RBFOX3: variants seen among roughly 807,000 people sequenced by gnomAD.
The protein encoded by RBFOX3 is RNA binding protein fox-1 homolog 3.
RBFOX3 carries 17 observed loss-of-function variants against 48.7 expected under a neutral mutation model. That is an observed-to-expected ratio of 0.35 (90% CI 0.24 to 0.52). RBFOX3 has a LOEUF of 0.52. Ranked by LOEUF, RBFOX3 falls within the 20% of genes least tolerant of loss-of-function variation. The pLI is 0.94. For missense variants in RBFOX3, 382 were observed against 497.5 expected (o/e 0.77, Z 2.21); for synonymous variants, 212 against 209.5 (o/e 1.01, Z -0.10).
chr17:79,393,801 A>C (rs2061650210), intron 2 of RBFOX3, among the ~76,000 whole-genome samples: 1 of 151,408 alleles, frequency 6.6e-6, no homozygotes, highest in South Asian at 2.1e-4. Flanking sequence ...CATCATGCAC[A>C]TCATCTGAGC....
In RBFOX3 at chr17:79,568,161, A is replaced by C. The variant is rs927000969; in HGVS notation, c.-320+42665T>G. Among the ~76,000 whole-genome samples the C allele has an allele frequency of 3.5e-3, 539 of 152,120 alleles. 5 individuals carry two copies. Among genetic ancestry groups the C allele is most frequent in the African/African-American group, 0.012 (507 of 41,496 alleles). ...CAGCCCCCAAGCTGGGGTGACACACATCTAGAGTACAAAGACTTTATCTGG... is the reference window on the plus strand; with the variant it reads ...CAGCCCCCAAGCTGGGGTGACACACCTCTAGAGTACAAAGACTTTATCTGG... On this transcript the variant is annotated intron_variant, in intron 1 of 14. Transcript: ENST00000693108.
At chr17:79,354,578 G>T (rs2084601578) in intron 2 of RBFOX3, among the ~76,000 whole-genome samples, 1 of 152,264 alleles carries the variant, frequency 6.6e-6, no homozygotes, top group South Asian at 2.1e-4. Context: ...TTCCACCACG[G>T]GGAGAAACCA....
At chr17:79,416,666 C>T (rs925494442) in intron 2 of RBFOX3, among the ~76,000 whole-genome samples, 8 of 152,328 alleles carry the variant, frequency 5.3e-5, no homozygotes, top group Admixed American at 2.0e-4. Context: ...GGCCCTCCCC[C>T]GCACCCACCC....
At chr17:79,295,328 C>T (rs2050581836) in intron 3 of RBFOX3, among the ~76,000 whole-genome samples, 2 of 152,224 alleles carry the variant, frequency 1.3e-5, no homozygotes. Flanking sequence ...GGATGAGACA[C>T]AGCTGCCAGG....
At chr17:79,530,758 G>C (rs1332798840) in intron 1 of RBFOX3, among the ~76,000 whole-genome samples, 3 of 152,220 alleles carry the variant, frequency 2.0e-5, no homozygotes, top group Non-Finnish European at 4.4e-5. Context: ...GTGATGTTCT[G>C]GGGAGGTGCC....
chr17:79,164,503 G>C (rs1369185389), intron 4 of RBFOX3, among the ~76,000 whole-genome samples: 2 of 152,212 alleles, frequency 1.3e-5, no homozygotes, highest in Non-Finnish European at 2.9e-5. Flanking sequence ...TCAGTCTTGG[G>C]GGGAGGTGTT....
At chr17:79,145,577 C>G (rs1308051994) in intron 4 of RBFOX3, among the ~76,000 whole-genome samples, 1 of 152,230 alleles carries the variant, frequency 6.6e-6, no homozygotes, top group Non-Finnish European at 1.5e-5. Context: ...CCCCGCCCCA[C>G]CGCCCTGGCC....
At chr17:79,373,678 C>T (rs763116342) in intron 2 of RBFOX3, among the ~76,000 whole-genome samples, 8 of 151,962 alleles carry the variant, frequency 5.3e-5, no homozygotes, top group African/African-American at 1.7e-4. Flanking sequence ...GAGTTCCACA[C>T]GGCTGCTTTC....
At chr17:79,181,269 C>T (rs1246959501) in intron 4 of RBFOX3, among the ~76,000 whole-genome samples, 3 of 152,218 alleles carry the variant, frequency 2.0e-5, no homozygotes, top group Admixed American at 6.5e-5. Flanking sequence ...CTGCAGAAAC[C>T]CAGAGCTACG....
intron 2 of RBFOX3, among the ~76,000 whole-genome samples, chr17:79,344,238 T>C (rs1457310438): frequency 6.6e-6 from 1 of 152,122 alleles, no homozygotes; most frequent in Non-Finnish European, 1.5e-5. Flanking sequence ...AAGTAAAAAA[T>C]GCAAATATAT....
intron 1 of RBFOX3, among the ~76,000 whole-genome samples, chr17:79,498,575 C>T (rs1232846707): frequency 2.2e-5 from 3 of 138,840 alleles, no homozygotes; most frequent in African/African-American, 8.1e-5. Flanking sequence ...CTATCCTTCC[C>T]CCCACCCCAT....
chr17:79,549,427 A>G (rs535290342), intron 1 of RBFOX3, among the ~76,000 whole-genome samples: 1 of 152,390 alleles, frequency 6.6e-6, no homozygotes, highest in East Asian at 1.9e-4. Flanking sequence ...CATAGTAATT[A>G]GAGCCAACTG....
At chr17:79,393,237 C>A (rs1045272864) in intron 2 of RBFOX3, among the ~76,000 whole-genome samples, 5 of 152,266 alleles carry the variant, frequency 3.3e-5, no homozygotes, top group Admixed American at 6.5e-5. Context: ...ACCCGCGTAG[C>A]CGCCTGCTGC....
rs569712618 is a variant in RBFOX3, at chr17:79,390,684, C to T, written c.-174-82860G>A. On this transcript the variant is annotated intron_variant, in intron 2 of 14. Coordinates refer to ENST00000693108, the MANE Select transcript of RBFOX3 (RefSeq NM_001350451.2). This position sits in a 1 kb window ranked among gnomAD's most constrained non-coding sequence, Gnocchi z 4.2. ...TAGAGACAGGGTTTCGCCATGTTGG[C>T]CAGGCTGGTCTCGAACTCCTTATCT... 6.6e-6 allele frequency among the ~76,000 whole-genome samples: 1 copy of T among 152,294 alleles called. No individual in the cohort carries two copies. Among genetic ancestry groups the T allele is most frequent in the East Asian group, 1.9e-4 (1 of 5,180 alleles).
intron 2 of RBFOX3, among the ~76,000 whole-genome samples, chr17:79,343,353 C>A (rs1027432139): frequency 6.6e-6 from 1 of 152,026 alleles, no homozygotes; most frequent in Non-Finnish European, 1.5e-5. Context: ...CCCATCTCTG[C>A]TAAAAATACA....
intron 4 of RBFOX3, among the ~76,000 whole-genome samples, chr17:79,190,191 C>T (rs766618714): frequency 1.3e-5 from 2 of 152,208 alleles, no homozygotes; most frequent in African/African-American, 2.4e-5. Flanking sequence ...GCGGGTGGAT[C>T]ACCTGAGGCC....
At chr17:79,602,447 C>T (rs2093725999) in intron 1 of RBFOX3, among the ~76,000 whole-genome samples, 1 of 152,170 alleles carries the variant, frequency 6.6e-6, no homozygotes, top group Non-Finnish European at 1.5e-5. Flanking sequence ...GGAACACAAC[C>T]AACCACTGTC....
At chr17:79,638,281 G>A in the RBFOX3 span, among the ~76,000 whole-genome samples, 1 of 142,338 alleles carries the variant, frequency 7.0e-6, no homozygotes, top group African/African-American at 2.6e-5. Context: ...AAAACAATAG[G>A]TAAAATTAAC....
the RBFOX3 span, among the ~76,000 whole-genome samples, chr17:79,628,066 C>T: frequency 6.6e-6 from 1 of 152,082 alleles, no homozygotes; most frequent in African/African-American, 2.4e-5. Flanking sequence ...TCCCAGGCCT[C>T]AGAGAAAGCG....
Sources: allele counts gnomAD v4.1 joint callset (sites outside exome capture counted in the v4.1 genomes callset), GRCh38; gene constraint gnomAD v4.1.1; non-coding constraint Gnocchi (gnomAD v3.1); transcripts MANE v1.5; gene names NCBI Gene and HGNC (gene_info 2026-07-23, HGNC 2026-07-21).